The following GOT1 variants were observed in gnomAD, a reference collection of about 807,000 sequenced individuals.
GOT1 encodes the protein aspartate aminotransferase, cytoplasmic.
Under a neutral mutation model 48.2 loss-of-function variants are expected in GOT1, and 25 were observed. The ratio of observed to expected loss-of-function variants is 0.52; its 90% CI spans 0.38 to 0.72. The LOEUF (loss-of-function observed/expected upper bound fraction) is 0.72, where lower values mean the gene tolerates loss of function less well. Among genes scored for constraint, GOT1 ranks in the 30% least tolerant of loss-of-function variants. GOT1 has a pLI of 0.00. For missense variants in GOT1, 380 were observed against 520.1 expected, an observed-to-expected ratio of 0.73 and a Z score of 2.62; for synonymous variants, 188 against 193.8, an observed-to-expected ratio of 0.97 and a Z score of 0.25.
intron 8 of GOT1, among the ~76,000 whole-genome samples, chr10:99,400,745 A>G (rs563934761): frequency 6.6e-6 from 1 of 152,338 alleles, no homozygotes; most frequent in East Asian, 1.9e-4. Flanking sequence ...GTTTGAGACC[A>G]GCCTGGTCAA....
At chr10:99,404,019 A>T in intron 5 of GOT1, 145 bp from the exon 6 acceptor site, 1 of 694,038 alleles carries the variant, frequency 1.4e-6, no homozygotes, top group Non-Finnish European at 2.4e-6. Context: ...CCCAAGCTCC[A>T]CTTTACATCC....
chr10:99,429,477 T>C (rs568729752), intron 1 of GOT1, among the ~76,000 whole-genome samples: 3 of 152,270 alleles, frequency 2.0e-5, no homozygotes, highest in South Asian at 4.2e-4. Flanking sequence ...CCACAATTTC[T>C]AGTCCTTTTA....
chr10:99,399,566 T>C (rs1001291214), intron 8 of GOT1, among the ~76,000 whole-genome samples: 2 of 151,650 alleles, frequency 1.3e-5, no homozygotes, highest in African/African-American at 2.4e-5. Flanking sequence ...AGCCCAGGAG[T>C]TGACGACCAG....
chr10:99,398,388 G>A (rs1204735247), intron 8 of GOT1, among the ~76,000 whole-genome samples: 1 of 152,188 alleles, frequency 6.6e-6, no homozygotes, highest in Admixed American at 6.5e-5. Flanking sequence ...TAGTGAATTT[G>A]GCTGGGCACA....
intron 1 of GOT1, among the ~76,000 whole-genome samples, chr10:99,422,301 T>C (rs998928262): frequency 2.0e-5 from 3 of 152,344 alleles, no homozygotes; most frequent in Admixed American, 6.5e-5. Flanking sequence ...GTTTCTTATA[T>C]GGCCGGTGGA....
At chr10:99,398,500 T>C (rs528648193) in intron 8 of GOT1, among the ~76,000 whole-genome samples, 96 of 152,062 alleles carry the variant, frequency 6.3e-4, no homozygotes, top group Non-Finnish European at 1.2e-3. Flanking sequence ...TGAGACCCAG[T>C]CTCTACTAAA....
chr10:99,424,490 T>C (rs2033012502), intron 1 of GOT1, among the ~76,000 whole-genome samples: 2 of 152,346 alleles, frequency 1.3e-5, no homozygotes, highest in South Asian at 4.1e-4. Context: ...AAAAACCAGT[T>C]CTGTTATGTT....
chr10:99,419,072 G>A (rs1366716695), intron 2 of GOT1, among the ~76,000 whole-genome samples: 1 of 152,176 alleles, frequency 6.6e-6, no homozygotes, highest in Non-Finnish European at 1.5e-5. Flanking sequence ...ATGTATGGGT[G>A]TGCAACCTTT....
chr10:99,398,593 C>A (rs1240600056), intron 8 of GOT1, among the ~76,000 whole-genome samples: 1 of 152,020 alleles, frequency 6.6e-6, no homozygotes, highest in Non-Finnish European at 1.5e-5. Context: ...TTGCTTGAAA[C>A]CCAAGAGGAG....
In GOT1 at chr10:99,420,650, C is replaced by T. The variant is rs1170487964; in HGVS notation, c.274G>A (p.Asp92Asn). The stretch of plus-strand genomic sequence containing the variant: ...CGCTTCTCCTTGAGTGCTGGGCTGT[C>T]ATCCCCAAGGGCAAGACGAGAAGCA... ...SCASRLALGD[D>N]SPALKEKRVG... The change falls in exon 2 of 9, where the codon GAC becomes AAC. Residue 92 changes from aspartate to asparagine, a missense_variant. By Grantham distance (23) the Asp-to-Asn change is conservative. Transcript: ENST00000370508. 1 of 1,613,824 alleles carries T rather than the reference C, an allele frequency of 6.2e-7. No homozygotes were observed. The highest frequency in any genetic ancestry group is 1.1e-5 in the South Asian group (1 of 91,024).
intron 2 of GOT1, among the ~76,000 whole-genome samples, chr10:99,409,369 G>A (rs976472957): frequency 3.9e-5 from 6 of 152,128 alleles, no homozygotes; most frequent in African/African-American, 1.4e-4. Context: ...CTGACCTCGT[G>A]ATCCGCCTGC....
At chr10:99,405,919 C>A in intron 4 of GOT1, 59 bp from the exon 5 acceptor site, 1 of 1,008,286 alleles carries the variant, frequency 9.9e-7, no homozygotes. Flanking sequence ...GAGACAGAGT[C>A]AGCAGCAGAT....
chr10:99,419,032 G>C (rs1325874415), intron 2 of GOT1, among the ~76,000 whole-genome samples: 1 of 152,100 alleles, frequency 6.6e-6, no homozygotes, highest in African/African-American at 2.4e-5. Flanking sequence ...CCTTCACCAG[G>C]GCCTTCCCTG....
At chr10:99,405,530 C>T (rs1251877467) in intron 5 of GOT1, among the ~76,000 whole-genome samples, 2 of 150,408 alleles carry the variant, frequency 1.3e-5, no homozygotes, top group African/African-American at 4.9e-5. Flanking sequence ...GACACACACA[C>T]ACACACACAC....
intron 1 of GOT1, among the ~76,000 whole-genome samples, chr10:99,428,933 G>C (rs2033075353): frequency 6.6e-6 from 1 of 152,092 alleles, no homozygotes; most frequent in African/African-American, 2.4e-5. Context: ...CAAAAGCTGA[G>C]AGAATAATAT....
At chr10:99,422,934 C>T (rs2032989673) in intron 1 of GOT1, among the ~76,000 whole-genome samples, 1 of 152,188 alleles carries the variant, frequency 6.6e-6, no homozygotes, top group Non-Finnish European at 1.5e-5. Flanking sequence ...GCTATTAAAA[C>T]AATACTTCAG....
intron 1 of GOT1, 103 bp downstream of exon 1, chr10:99,430,345 G>A: frequency 6.2e-7 from 1 of 1,606,654 alleles, no homozygotes; most frequent in African/African-American, 1.3e-5. Flanking sequence ...CCCTCTTCAG[G>A]CAGCGCCACA....
chr10:99,420,983 G>A (rs1054185992), intron 1 of GOT1, among the ~76,000 whole-genome samples, 178 bp from the exon 2 acceptor site: 2 of 152,204 alleles, frequency 1.3e-5, no homozygotes, highest in African/African-American at 4.8e-5. Context: ...ATTGGGCTAG[G>A]TGCTGGGCAA....
At chr10:99,424,195 T>C (rs1308049145) in intron 1 of GOT1, among the ~76,000 whole-genome samples, 2 of 152,216 alleles carry the variant, frequency 1.3e-5, no homozygotes, top group Non-Finnish European at 2.9e-5. Flanking sequence ...AGAGGCAACA[T>C]CTCATTATTT....
Sources: gnomAD v4.1 joint callset for allele counts (sites outside exome capture counted in the v4.1 genomes callset) on GRCh38, gnomAD v4.1.1 for gene constraint, MANE v1.5 for transcripts, NCBI Gene and HGNC (gene_info 2026-07-23, HGNC 2026-07-21) for gene names.